The following FUT9 variants were observed in gnomAD, a reference collection of about 807,000 sequenced individuals.
FUT9 encodes the protein 4-galactosyl-N-acetylglucosaminide 3-alpha-L-fucosyltransferase 9.
In FUT9, 15 loss-of-function variants were observed where a neutral mutation model predicts 29.7. That is an observed-to-expected ratio of 0.51 (90% CI 0.34 to 0.78). The LOEUF is 0.78. Among genes scored for constraint, FUT9 ranks in the 30% least tolerant of loss-of-function variants. FUT9 has a pLI of 0.01. For synonymous variants in FUT9, 169 were observed against 153.7 expected (o/e 1.10, Z -0.74); for missense variants, 319 against 425.4 (o/e 0.75, Z 2.20).
At chr6:96,095,015 T>C (rs9404213) in intron 1 of FUT9, among the ~76,000 whole-genome samples, 103,450 of 151,898 alleles carry the variant, frequency 0.68, 36,799 homozygotes, top group East Asian at 0.84. Flanking sequence ...TCTCACCTCA[T>C]GCTTCTGCTC....
chr6:96,029,890 G>C (rs1396544697), intron 1 of FUT9, among the ~76,000 whole-genome samples: 1 of 151,384 alleles, frequency 6.6e-6, no homozygotes, highest in Admixed American at 6.6e-5. Context: ...AGAAGTGAAA[G>C]GAAATATTAT....
At chr6:96,075,161 T>G (rs1771123478) in intron 1 of FUT9, among the ~76,000 whole-genome samples, 1 of 152,132 alleles carries the variant, frequency 6.6e-6, no homozygotes, top group African/African-American at 2.4e-5. Context: ...TGTGTGTGTA[T>G]TTCTGCTTTG....
chr6:96,209,322 T>C lies in FUT9; in HGVS notation c.*5087T>C, dbSNP rs1003735096. 6.0e-6 allele frequency: 1 copy of C among 166,606 alleles called. No homozygotes were observed. Among genetic ancestry groups the C allele is most frequent in the African/African-American group, 2.4e-5 (1 of 41,364 alleles). The allele number at this position is 166,606 out of a possible 1,614,324, so 10.3% of individuals were successfully genotyped here. A position where few individuals can be genotyped will look rare whatever the true frequency, so the allele number is the denominator to read the frequency against. On this transcript the variant is annotated 3_prime_UTR_variant, in exon 3 of 3. Coordinates refer to ENST00000302103, the MANE Select transcript of FUT9 (RefSeq NM_006581.4). ...TATTTAAAGTATGAAATTGATTATT[T>C]AAACTAATATGTGGAAAGAACCTAA... is the stretch of plus-strand genomic sequence containing the variant.
intron 2 of FUT9, among the ~76,000 whole-genome samples, chr6:96,131,087 A>T (rs1772235124): frequency 6.6e-6 from 1 of 152,066 alleles, no homozygotes; most frequent in Non-Finnish European, 1.5e-5. Flanking sequence ...TGTATGGAGG[A>T]GCCCTTTCTA....
chr6:96,122,352 G>T (rs1378830969), intron 2 of FUT9, among the ~76,000 whole-genome samples: 6 of 152,142 alleles, frequency 3.9e-5, no homozygotes, highest in African/African-American at 9.7e-5. Context: ...TACAATATTG[G>T]ATGGGTGGCT....
Position 96,211,031 on chromosome 6 carries a change from T to G in FUT9, c.*6796T>G, listed in dbSNP as rs1212600358. On this transcript the variant is annotated 3_prime_UTR_variant, in exon 3 of 3. Transcript: ENST00000302103. ...GAATCCAGTGCTATTTTCACAATTTTAATTCTAAAACTCTGAAGACATTAA... is the reference window on the plus strand; with the variant it reads ...GAATCCAGTGCTATTTTCACAATTTGAATTCTAAAACTCTGAAGACATTAA... The G allele has an allele frequency of 6.0e-6, 1 of 166,934 alleles. No individual in the cohort carries two copies. The highest frequency in any genetic ancestry group is 1.5e-5 in the Non-Finnish European group (1 of 68,034). The allele number at this position is 166,934 out of a possible 1,614,324, so 10.3% of individuals were successfully genotyped here. A position where few individuals can be genotyped will look rare whatever the true frequency, so the allele number is the denominator to read the frequency against.
intron 1 of FUT9, among the ~76,000 whole-genome samples, chr6:96,040,002 T>A (rs1460964827): frequency 1.3e-5 from 2 of 152,172 alleles, no homozygotes; most frequent in African/African-American, 2.4e-5. Context: ...TTACTTTCTT[T>A]CCTTCTTGTT....
At chr6:96,039,119 G>T (rs1182827543) in intron 1 of FUT9, among the ~76,000 whole-genome samples, 1 of 151,888 alleles carries the variant, frequency 6.6e-6, no homozygotes, top group Non-Finnish European at 1.5e-5. Flanking sequence ...TTTCCTTTTG[G>T]TACTTCTATC....
chr6:96,182,266 G>A (rs982657607), intron 2 of FUT9, among the ~76,000 whole-genome samples: 52 of 151,514 alleles, frequency 3.4e-4, no homozygotes, highest in African/African-American at 1.3e-3. Context: ...ACTTTTTGAT[G>A]GAATTGTTTT....
chr6:96,134,394 C>A (rs1026286201), intron 2 of FUT9, among the ~76,000 whole-genome samples: 4 of 151,668 alleles, frequency 2.6e-5, no homozygotes, highest in Admixed American at 2.0e-4. Flanking sequence ...GTATAATATT[C>A]CATTCTTTGT....
chr6:96,196,109 G>A lies in FUT9; in HGVS notation c.-8-7039G>A, dbSNP rs188739724. 3.9e-4 allele frequency among the ~76,000 whole-genome samples: 60 copies of A among 152,234 alleles called. No individual in the cohort carries two copies. The East Asian group carries it at 4.1e-3, about 10-fold the overall frequency. On this transcript the variant is annotated intron_variant, in intron 2 of 2. Transcript: ENST00000302103. ...TCCTGGAATATTAGGGGAAGAAGAC[G>A]GGGAAGCGATTGCCAGTGTGGGAAT...
chr6:96,033,694 T>C (rs779095632), intron 1 of FUT9, among the ~76,000 whole-genome samples: 20 of 151,694 alleles, frequency 1.3e-4, no homozygotes, highest in African/African-American at 4.6e-4. Context: ...TAAACAATTA[T>C]ATAGACAAGC....
intron 1 of FUT9, among the ~76,000 whole-genome samples, chr6:96,032,833 A>G (rs1363228636): frequency 6.6e-6 from 1 of 151,552 alleles, no homozygotes; most frequent in East Asian, 1.9e-4. Context: ...AGGCTGTGTA[A>G]CCAGAGAGAT....
chr6:96,098,485 C>T (rs1287925837), intron 1 of FUT9, among the ~76,000 whole-genome samples: 19 of 152,104 alleles, frequency 1.2e-4, no homozygotes, highest in Non-Finnish European at 4.4e-5. Context: ...TTCTATTGCC[C>T]TAGTGGACTT....
intron 2 of FUT9, among the ~76,000 whole-genome samples, chr6:96,162,105 G>T (rs1772915932): frequency 6.6e-6 from 1 of 151,978 alleles, no homozygotes; most frequent in Non-Finnish European, 1.5e-5. Context: ...TTTCCATAGA[G>T]CCCTTAACAT....
intron 1 of FUT9, among the ~76,000 whole-genome samples, chr6:96,043,302 C>T (rs1185217595): frequency 5.7e-5 from 4 of 70,102 alleles, no homozygotes; most frequent in African/African-American, 4.9e-4. Context: ...CCTCTCGCCT[C>T]GGGTCCCAAA....
intron 1 of FUT9, among the ~76,000 whole-genome samples, chr6:96,021,313 C>T (rs1209395856): frequency 1.3e-5 from 2 of 151,642 alleles, no homozygotes; most frequent in East Asian, 1.9e-4. Context: ...ATGCAGGAAC[C>T]TATTAGTAGT....
intron 2 of FUT9, among the ~76,000 whole-genome samples, chr6:96,169,944 G>A: frequency 6.6e-6 from 1 of 152,074 alleles, no homozygotes; most frequent in East Asian, 1.9e-4. Flanking sequence ...CTGTGAACAG[G>A]TTATTTATTT....
intron 1 of FUT9, among the ~76,000 whole-genome samples, chr6:96,018,412 A>C (rs897850622): frequency 6.6e-6 from 1 of 152,176 alleles, no homozygotes; most frequent in Non-Finnish European, 1.5e-5. Context: ...CCAAATAACT[A>C]GTCTGCCAAA....
Sources: allele counts gnomAD v4.1 joint callset (sites outside exome capture counted in the v4.1 genomes callset), GRCh38; gene constraint gnomAD v4.1.1; transcripts MANE v1.5; gene names NCBI Gene and HGNC (gene_info 2026-07-23, HGNC 2026-07-21).